TENM3: variants seen among roughly 807,000 people sequenced by gnomAD.
TENM3 encodes the protein teneurin-3.
Under a neutral mutation model 255.1 loss-of-function variants are expected in TENM3, and 63 were observed. That is an observed-to-expected ratio of 0.25 (90% confidence interval 0.20 to 0.30). The LOEUF (loss-of-function observed/expected upper bound fraction) is 0.30, where lower values mean the gene tolerates loss of function less well. TENM3 is among the 10% of genes least tolerant of loss of function. The pLI is 1.00. For missense variants in TENM3, 2,929 were observed against 3,461.1 expected, an observed-to-expected ratio of 0.85 and a Z score of 3.86; for synonymous variants, 1,306 against 1,322.3, an observed-to-expected ratio of 0.99 and a Z score of 0.27.
chr4:182,617,922 T>C (rs1749696983), intron 4 of TENM3, among the ~76,000 whole-genome samples: 1 of 152,150 alleles, frequency 6.6e-6, no homozygotes, highest in Non-Finnish European at 1.5e-5. Flanking sequence ...CTACACAAGA[T>C]AAGTATTTTT....
intron 3 of TENM3, among the ~76,000 whole-genome samples, chr4:182,536,002 A>T (rs2151861901): frequency 6.6e-6 from 1 of 152,196 alleles, no homozygotes; most frequent in South Asian, 2.1e-4. Context: ...TTGTATATGT[A>T]TTGGCCTTAC....
At chr4:181,689,309 T>A in the TENM3 span, among the ~76,000 whole-genome samples, 1 of 152,234 alleles carries the variant, frequency 6.6e-6, no homozygotes, top group Non-Finnish European at 1.5e-5. Context: ...CTGACAGTGC[T>A]TGTTTTAATC....
intron 12 of TENM3, among the ~76,000 whole-genome samples, chr4:182,697,026 C>T (rs1757483770): frequency 6.6e-6 from 1 of 152,068 alleles, no homozygotes; most frequent in Non-Finnish European, 1.5e-5. Context: ...GTAACTACCT[C>T]GTAGAGTCCC....
chr4:182,177,054 T>G (rs1752538605), intron 1 of TENM3, among the ~76,000 whole-genome samples: 1 of 151,948 alleles, frequency 6.6e-6, no homozygotes, highest in Non-Finnish European at 1.5e-5. Context: ...GAAGCTACTT[T>G]GAGGAAAAGG....
At chr4:181,898,381 G>A in the TENM3 span, among the ~76,000 whole-genome samples, 14 of 151,866 alleles carry the variant, frequency 9.2e-5, no homozygotes, top group Middle Eastern at 3.4e-3. Flanking sequence ...ATTTTTACTC[G>A]TCTCTTCTAT....
At chr4:182,404,675 A>G (rs1260358327) in intron 3 of TENM3, among the ~76,000 whole-genome samples, 2 of 152,232 alleles carry the variant, frequency 1.3e-5, no homozygotes, top group African/African-American at 4.8e-5. Flanking sequence ...TCTGAATTTG[A>G]GTTCACGAGG....
the TENM3 span, among the ~76,000 whole-genome samples, chr4:181,775,285 G>A: frequency 3.3e-4 from 50 of 152,064 alleles, no homozygotes; most frequent in African/African-American, 1.1e-3. Context: ...ATTCTTTTTA[G>A]TAAGAATTTT....
chr4:182,502,338 A>G (rs1736399862), intron 3 of TENM3, among the ~76,000 whole-genome samples: 1 of 152,060 alleles, frequency 6.6e-6, no homozygotes, highest in Non-Finnish European at 1.5e-5. Flanking sequence ...GGTGTTTTAA[A>G]GTTGGAAACT....
the TENM3 span, among the ~76,000 whole-genome samples, chr4:182,112,133 TG>T: frequency 6.6e-6 from 1 of 152,154 alleles, no homozygotes; most frequent in African/African-American, 2.4e-5. Flanking sequence ...CCAGCCTGGG[TG>T]ACAGAGGGAA....
chr4:182,090,291 G>A, the TENM3 span, among the ~76,000 whole-genome samples: 2 of 152,200 alleles, frequency 1.3e-5, no homozygotes, highest in African/African-American at 2.4e-5. Context: ...ATACGCAGAA[G>A]CAATCATGTT....
the TENM3 span, among the ~76,000 whole-genome samples, chr4:181,841,585 T>C: frequency 6.6e-6 from 1 of 152,212 alleles, no homozygotes; most frequent in Admixed American, 6.5e-5. Context: ...CTTTTCTTTC[T>C]TTATAGTATT....
At chr4:182,033,284 C>G in the TENM3 span, among the ~76,000 whole-genome samples, 2,660 of 152,138 alleles carry the variant, frequency 0.017, 27 homozygotes, top group Non-Finnish European at 0.028. Flanking sequence ...TGATTTCTGC[C>G]TTAATTTTGC....
the TENM3 span, among the ~76,000 whole-genome samples, chr4:181,592,164 T>A: frequency 2.6e-5 from 4 of 151,916 alleles, no homozygotes; most frequent in Admixed American, 6.6e-5. Flanking sequence ...GTTGCGTGGG[T>A]GCATACATAA....
chr4:182,783,840 G>T (rs895092125), intron 24 of TENM3, among the ~76,000 whole-genome samples: 1 of 151,792 alleles, frequency 6.6e-6, no homozygotes, highest in Non-Finnish European at 1.5e-5. Context: ...TCTTCCAGTT[G>T]ATCGCATCGG....
At chr4:181,760,995 C>CACACACAT in the TENM3 span, among the ~76,000 whole-genome samples, 313 of 129,672 alleles carry the variant, frequency 2.4e-3, 1 homozygote, top group Middle Eastern at 0.011. Context: ...CACACACACA[C>CACACACAT]ACACACACAC....
At chr4:182,398,967 T>C (rs761731137) in intron 3 of TENM3, among the ~76,000 whole-genome samples, 2 of 152,196 alleles carry the variant, frequency 1.3e-5, no homozygotes, top group Non-Finnish European at 2.9e-5. Flanking sequence ...ATCCAGCAAG[T>C]GTCTGTTGAT....
chr4:182,498,003 A>G (rs1735965624), intron 3 of TENM3, among the ~76,000 whole-genome samples: 1 of 152,026 alleles, frequency 6.6e-6, no homozygotes, highest in Non-Finnish European at 1.5e-5. Flanking sequence ...ATGAAAACTC[A>G]GGATCATGAA....
At chr4:182,041,769 C>T in the TENM3 span, among the ~76,000 whole-genome samples, 80 of 152,228 alleles carry the variant, frequency 5.3e-4, 2 homozygotes, top group East Asian at 0.015. Context: ...CAAAATGTCT[C>T]CAGTCTTAGA....
At chr4:182,650,924 A>ATATATATATATATATATATATATAT (rs1491428844) in intron 5 of TENM3, among the ~76,000 whole-genome samples, 1 of 10,536 alleles carries the variant, frequency 9.5e-5, no homozygotes, top group East Asian at 2.7e-3. Flanking sequence ...ATATATATAT[A>ATATATATATATATATATATATATAT]AAACAAAGCT....
Sources: allele counts gnomAD v4.1 joint callset (sites outside exome capture counted in the v4.1 genomes callset), GRCh38; gene constraint gnomAD v4.1.1; transcripts MANE v1.5; gene names NCBI Gene and HGNC (gene_info 2026-07-23, HGNC 2026-07-21).